The following XKRX variants were observed in gnomAD, a reference collection of about 807,000 sequenced individuals.
The protein encoded by XKRX is XK related X-linked.
A neutral mutation model predicts 22.4 loss-of-function variants in XKRX; 11 were observed. The ratio of observed to expected loss-of-function variants is 0.49; its 90% CI spans 0.31 to 0.81. The LOEUF is 0.81. Among genes scored for constraint, XKRX ranks in the 40% least tolerant of loss-of-function variants. The probability of loss-of-function intolerance (pLI) is 0.05; values close to 1 mark genes in which losing one functional copy is unlikely to be tolerated. For missense variants in XKRX, 320 were observed against 336.5 expected (o/e 0.95, Z 0.38); for synonymous variants, 114 against 132.2 (o/e 0.86, Z 0.94).
downstream of XKRX, among the ~76,000 whole-genome samples, chrX:100,909,230 CTA>C (rs2085398477): frequency 8.9e-6 from 1 of 112,204 alleles, no homozygotes; most frequent in Non-Finnish European, 1.9e-5. Flanking sequence ...CAGTACGAAT[CTA>C]TAAGTACATG....
chrX:100,947,494 A>G, the XKRX span, among the ~76,000 whole-genome samples: 1 of 112,636 alleles, frequency 8.9e-6, no homozygotes, highest in Admixed American at 9.4e-5. Flanking sequence ...AAAGGAAAGC[A>G]ACTTAGACTT....
intron 2 of XKRX, among the ~76,000 whole-genome samples, chrX:100,917,674 A>AAAAAGAAAGAAAGAAAGAAAG (rs2085448567): frequency 7.9e-5 from 2 of 25,411 alleles, no homozygotes; most frequent in African/African-American, 1.8e-4. Flanking sequence ...AGAAAGAAAG[A>AAAAAGAAAGAAAGAAAGAAAG]AAAGAAAGAA....
chrX:100,894,894 C>T, the XKRX span, among the ~76,000 whole-genome samples: 16 of 112,074 alleles, frequency 1.4e-4, no homozygotes, highest in African/African-American at 5.2e-4. Context: ...CAAGTTCAGA[C>T]AGGAAAAAGT....
At chrX:100,922,179 A>G (rs180821510) in intron 2 of XKRX, among the ~76,000 whole-genome samples, 19 of 111,018 alleles carry the variant, frequency 1.7e-4, no homozygotes, top group African/African-American at 6.2e-4. Flanking sequence ...AAATGATTAA[A>G]TCATTGGTTC....
the XKRX span, among the ~76,000 whole-genome samples, chrX:100,902,643 G>A: frequency 9.0e-6 from 1 of 111,678 alleles, no homozygotes; most frequent in Non-Finnish European, 1.9e-5. Context: ...GCAACCATAT[G>A]ATCCTATTAA....
chrX:100,901,053 G>A, the XKRX span, among the ~76,000 whole-genome samples: 1 of 111,246 alleles, frequency 9.0e-6, no homozygotes, highest in African/African-American at 3.3e-5. Flanking sequence ...GCCTCCCAAA[G>A]TGCTGGGATT....
At chrX:100,950,826 A>G in the XKRX span, among the ~76,000 whole-genome samples, 1 of 112,479 alleles carries the variant, frequency 8.9e-6, no homozygotes, top group South Asian at 3.6e-4. Flanking sequence ...AGGGAAATTT[A>G]AAAAATATAT....
intron 2 of XKRX, among the ~76,000 whole-genome samples, chrX:100,919,679 C>T (rs1379187082): frequency 2.7e-5 from 3 of 110,792 alleles, no homozygotes; most frequent in African/African-American, 9.8e-5. Flanking sequence ...CCAAAGAAAG[C>T]GAATTATTTT....
At chrX:100,949,390 G>A in the XKRX span, among the ~76,000 whole-genome samples, 284 of 102,852 alleles carry the variant, frequency 2.8e-3, no homozygotes, top group Non-Finnish European at 4.7e-3. Flanking sequence ...GAGAGAGACG[G>A]AGTCTTGCTC....
chrX:100,901,808 G>A, the XKRX span, among the ~76,000 whole-genome samples: 4 of 110,395 alleles, frequency 3.6e-5, no homozygotes, highest in African/African-American at 6.6e-5. Flanking sequence ...AAGACTAGCC[G>A]GACCAACATG....
intron 2 of XKRX, among the ~76,000 whole-genome samples, chrX:100,917,669 G>GA (rs1322196534): frequency 0.2 from 7,973 of 39,892 alleles, 589 homozygotes; most frequent in East Asian, 0.27. Context: ...AAGAAAGAAA[G>GA]AAAGAAAAGA....
At chrX:100,948,550 C>A in the XKRX span, among the ~76,000 whole-genome samples, 2 of 112,002 alleles carry the variant, frequency 1.8e-5, no homozygotes, top group African/African-American at 6.5e-5. Flanking sequence ...TAGGCCCAGA[C>A]CCAAAAAAAG....
At chrX:100,941,214 T>C in the XKRX span, among the ~76,000 whole-genome samples, 1 of 112,081 alleles carries the variant, frequency 8.9e-6, no homozygotes, top group Admixed American at 9.5e-5. Flanking sequence ...ACAAGCTACA[T>C]AGGGCTATTT....
Position 100,928,636 on chromosome X carries a change from G to C in XKRX, c.-332C>G. ...CCATCCAGAGTCCAACTCCAGGGACGTGAAGAGTCATGAGAACAGCGGCTT... is the reference window on the plus strand; with the variant it reads ...CCATCCAGAGTCCAACTCCAGGGACCTGAAGAGTCATGAGAACAGCGGCTT... On this transcript the variant is annotated 5_prime_UTR_variant, in exon 1 of 3. Coordinates refer to ENST00000372956, the MANE Select transcript of XKRX (RefSeq NM_212559.3). 4 of 844,246 alleles carry C rather than the reference G, an allele frequency of 4.7e-6. No individual in the cohort carries two copies. The highest frequency in any genetic ancestry group is 5.7e-6 in the Non-Finnish European group (4 of 698,565). 69.6% of individuals were successfully genotyped at this position (844,246 alleles called of 1,213,427 possible).
At chrX:100,901,069 C>A in the XKRX span, among the ~76,000 whole-genome samples, 1 of 111,211 alleles carries the variant, frequency 9.0e-6, no homozygotes. Flanking sequence ...GGATTACAGG[C>A]GTGAGCCACC....
chrX:100,956,009 T>C, the XKRX span, among the ~76,000 whole-genome samples: 1 of 111,991 alleles, frequency 8.9e-6, no homozygotes, highest in Non-Finnish European at 1.9e-5. Context: ...ATATGCACCA[T>C]GGACTACTAT....
At chrX:100,921,680 T>C (rs1344757467) in intron 2 of XKRX, among the ~76,000 whole-genome samples, 1 of 110,912 alleles carries the variant, frequency 9.0e-6, no homozygotes, top group East Asian at 2.8e-4. Flanking sequence ...ACATTTCATC[T>C]TCTGCTAGAG....
At chrX:100,954,418 CA>C in the XKRX span, among the ~76,000 whole-genome samples, 187 of 85,215 alleles carry the variant, frequency 2.2e-3, no homozygotes, top group African/African-American at 3.6e-3. Flanking sequence ...GACTCTGTCT[CA>C]AAAAAAAAAA....
chrX:100,922,888 C>T lies in XKRX; in HGVS notation c.509G>A (p.Arg170His), dbSNP rs760754605. The change falls in exon 2 of 3, where the codon CGT becomes CAT. Residue 170 changes from arginine (R) to histidine (H), a missense_variant. Coordinates refer to ENST00000372956, the MANE Select transcript of XKRX (RefSeq NM_212559.3). The part of the protein sequence containing the change: ...TLAMHRNAYK[R>H]MSQIQAFLGS... Reference sequence around the variant, plus strand: ...CAGGAAGGCTTGGATCTGTGACATACGTTTGTAGGCATTGCGGTGCATAGC... The same window carrying T: ...CAGGAAGGCTTGGATCTGTGACATATGTTTGTAGGCATTGCGGTGCATAGC... The T allele has an allele frequency of 1.4e-5, 17 of 1,209,267 alleles. No homozygotes were observed. The East Asian group carries it at 3.0e-4, about 21-fold the overall frequency.
Sources: gnomAD v4.1 joint callset for allele counts (sites outside exome capture counted in the v4.1 genomes callset) on GRCh38, gnomAD v4.1.1 for gene constraint, MANE v1.5 for transcripts, NCBI Gene and HGNC (gene_info 2026-07-23, HGNC 2026-07-21) for gene names.